CARMIL1: variants seen among roughly 807,000 people sequenced by gnomAD.
CARMIL1 encodes the protein capping protein regulator and myosin 1 linker 1.
CARMIL1 carries 90 observed loss-of-function variants against 177.1 expected under a neutral mutation model. That is an observed-to-expected ratio of 0.51 (90% CI 0.43 to 0.61). CARMIL1 has a LOEUF of 0.61. Among genes scored for constraint, CARMIL1 ranks in the 20% least tolerant of loss-of-function variants. CARMIL1 has a pLI of 0.00. For missense variants in CARMIL1, 1,380 were observed against 1,667.0 expected, an observed-to-expected ratio of 0.83 and a Z score of 3.00; for synonymous variants, 577 against 606.2, an observed-to-expected ratio of 0.95 and a Z score of 0.71.
In CARMIL1 at chr6:25,284,900, CAA is replaced by C; in HGVS notation, c.131_132del (p.Lys44SerfsTer45). The C allele has an allele frequency of 6.4e-7, 1 of 1,552,178 alleles. No individual in the cohort carries two copies. Among genetic ancestry groups the C allele is most frequent in the Non-Finnish European group, 8.8e-7 (1 of 1,141,874 alleles). Reference protein sequence around the residue: ...LEVKGDKVENKVLVLTSCRAF... With the variant: ...LEVKGDKVENXVLVLTSCRAF... ...AAGTTAAGGGAGACAAAGTTGAAAA[CAA>C]AGTGCTGGTAAGTATTGCTGTTTAT... On this transcript the variant is annotated frameshift_variant, in exon 2 of 37. Coordinates refer to ENST00000329474, the MANE Select transcript of CARMIL1 (RefSeq NM_017640.6). LOFTEE classifies it high-confidence loss of function.
At chr6:25,375,516 C>A (rs1790885218) in intron 2 of CARMIL1, among the ~76,000 whole-genome samples, 1 of 152,192 alleles carries the variant, frequency 6.6e-6, no homozygotes, top group African/African-American at 2.4e-5. Context: ...ATGCTTCTTG[C>A]ATTTGGTTAC....
intron 8 of CARMIL1, among the ~76,000 whole-genome samples, chr6:25,457,855 GCTCT>G (rs961432563): frequency 2.1e-4 from 32 of 152,232 alleles, no homozygotes; most frequent in Admixed American, 1.8e-3. Context: ...TTGAATTACT[GCTCT>G]CTCTATTTGT....
chr6:25,345,281 T>G (rs1196908021), intron 2 of CARMIL1, among the ~76,000 whole-genome samples: 1 of 152,218 alleles, frequency 6.6e-6, no homozygotes, highest in Non-Finnish European at 1.5e-5. Context: ...TTGGTTTTCC[T>G]GGTCTTTCTC....
chr6:25,575,002 C>T (rs1282924898), intron 29 of CARMIL1, among the ~76,000 whole-genome samples: 9 of 152,214 alleles, frequency 5.9e-5, no homozygotes, highest in African/African-American at 9.7e-5. Flanking sequence ...GTTTGCCAGA[C>T]ACTGTGCTAA....
intron 2 of CARMIL1, among the ~76,000 whole-genome samples, chr6:25,395,200 C>G (rs1294538700): frequency 2.0e-5 from 3 of 152,132 alleles, no homozygotes; most frequent in Admixed American, 2.0e-4. Context: ...CAAGCCCATG[C>G]GCTGTTAAGA....
chr6:25,341,092 C>G (rs1354774951), intron 2 of CARMIL1, among the ~76,000 whole-genome samples: 3 of 152,054 alleles, frequency 2.0e-5, no homozygotes, highest in Non-Finnish European at 4.4e-5. Context: ...GCACTCACAT[C>G]CTTGTTTGAT....
intron 2 of CARMIL1, among the ~76,000 whole-genome samples, chr6:25,319,268 TCTGA>T (rs919487557): frequency 4.6e-5 from 7 of 152,210 alleles, no homozygotes; most frequent in African/African-American, 1.4e-4. Context: ...GACTTCTTGT[TCTGA>T]CTTTCTATGA....
chr6:25,391,892 G>C (rs1285391870), intron 2 of CARMIL1, among the ~76,000 whole-genome samples: 1 of 152,144 alleles, frequency 6.6e-6, no homozygotes, highest in Non-Finnish European at 1.5e-5. Context: ...ATTACAACTT[G>C]AACTAAAAAA....
At position 25,577,674 on chromosome 6, in the gene CARMIL1, G is replaced by A. The variant is rs1035070764; in HGVS notation, c.2743-3250G>A. 6.6e-6 allele frequency among the ~76,000 whole-genome samples: 1 copy of A among 152,042 alleles called. No homozygotes were observed. Among genetic ancestry groups the A allele is most frequent in the Non-Finnish European group, 1.5e-5 (1 of 67,998 alleles). ...GGGTTTGACAGGAAAAAAATGTTAC[G>A]TTGTTTGGAAGGTTCCAAGATTAGT... is the stretch of plus-strand genomic sequence containing the variant. On this transcript the variant is annotated intron_variant, in intron 29 of 36. Transcript: ENST00000329474. The surrounding 1 kb of genome is among the most constrained non-coding windows in gnomAD (Gnocchi z 4.5).
chr6:25,487,124 A>C (rs1170637061), intron 12 of CARMIL1, among the ~76,000 whole-genome samples: 1 of 152,210 alleles, frequency 6.6e-6, no homozygotes, highest in East Asian at 1.9e-4. Context: ...AGTAGCCTTT[A>C]TCAGACACAC....
At chr6:25,382,876 C>T (rs1161652592) in intron 2 of CARMIL1, among the ~76,000 whole-genome samples, 1 of 152,218 alleles carries the variant, frequency 6.6e-6, no homozygotes, top group East Asian at 1.9e-4. Context: ...CACAAGTGAT[C>T]TGCCTGCCTG....
chr6:25,508,780 G>GAT (rs34946292), intron 17 of CARMIL1, among the ~76,000 whole-genome samples: 66,184 of 151,778 alleles, frequency 0.44, 14,782 homozygotes, highest in Middle Eastern at 0.52. Context: ...TTCCTCATTA[G>GAT]ATAGTAAGTT....
intron 29 of CARMIL1, 28 bp downstream of exon 29, chr6:25,556,878 T>C: frequency 3.7e-6 from 6 of 1,606,852 alleles, no homozygotes; most frequent in Non-Finnish European, 5.1e-6. Context: ...GTGGTACCGT[T>C]ACCCTTTTCA....
At chr6:25,603,685 C>T (rs1263001834) in intron 33 of CARMIL1, among the ~76,000 whole-genome samples, 1 of 152,138 alleles carries the variant, frequency 6.6e-6, no homozygotes, top group African/African-American at 2.4e-5. Flanking sequence ...GTCTACTGGT[C>T]CACAGTGTTT....
At chr6:25,562,110 C>T (rs534747105) in intron 29 of CARMIL1, among the ~76,000 whole-genome samples, 2 of 152,048 alleles carry the variant, frequency 1.3e-5, no homozygotes, top group South Asian at 2.1e-4. Context: ...GTCAAAATGC[C>T]GGGAATGCAT....
intron 4 of CARMIL1, among the ~76,000 whole-genome samples, chr6:25,429,126 G>A (rs373249866): frequency 1.3e-5 from 2 of 152,186 alleles, no homozygotes; most frequent in African/African-American, 2.4e-5. Context: ...CTTTGCCCAG[G>A]CTATTTCTCA....
chr6:25,372,706 T>A (rs1185398335), intron 2 of CARMIL1, among the ~76,000 whole-genome samples: 1 of 152,196 alleles, frequency 6.6e-6, no homozygotes, highest in Admixed American at 6.5e-5. Context: ...TAGTGTAATT[T>A]ACTCTTTTCC....
intron 2 of CARMIL1, among the ~76,000 whole-genome samples, chr6:25,402,176 G>GA (rs576556220): frequency 1.0e-4 from 15 of 145,416 alleles, no homozygotes; most frequent in Admixed American, 5.5e-4. Context: ...ATCTTGGGAG[G>GA]AAAAAAAAAA....
chr6:25,536,792 T>TA (rs1808346641), intron 24 of CARMIL1, among the ~76,000 whole-genome samples: 1 of 152,184 alleles, frequency 6.6e-6, no homozygotes, highest in Admixed American at 6.5e-5. Flanking sequence ...TTCCTATCGT[T>TA]ATGATATCAA....
Sources: gnomAD v4.1 joint callset for allele counts (sites outside exome capture counted in the v4.1 genomes callset) on GRCh38, gnomAD v4.1.1 for gene constraint, Gnocchi (gnomAD v3.1) non-coding constraint, MANE v1.5 for transcripts, NCBI Gene and HGNC (gene_info 2026-07-23, HGNC 2026-07-21) for gene names.